The following VIL1 variants were observed in gnomAD, a reference collection of about 807,000 sequenced individuals.
VIL1 encodes villin 1, also known as villin-1.
VIL1 carries 86 observed loss-of-function variants against 104.0 expected under a neutral mutation model. The ratio of observed to expected loss-of-function variants is 0.83; its 90% CI spans 0.69 to 0.99. The LOEUF is 0.99. VIL1 is among the 50% of genes least tolerant of loss of function. The pLI is 0.00. For synonymous variants in VIL1, 394 were observed against 412.6 expected, an observed-to-expected ratio of 0.95 and a Z score of 0.55; for missense variants, 944 against 1,054.1, an observed-to-expected ratio of 0.90 and a Z score of 1.45.
intron 19 of VIL1, among the ~76,000 whole-genome samples, chr2:218,444,821 G>A (rs1226597718): frequency 2.6e-5 from 4 of 152,198 alleles, no homozygotes; most frequent in Non-Finnish European, 5.9e-5. Context: ...GGTGAGGCTG[G>A]TAATCAGCTG....
Position 218,430,707 on chromosome 2 carries a change from C to T in VIL1, c.949-18C>T, listed in dbSNP as rs926282453. On this transcript the variant is annotated intron_variant, in intron 9 of 19. Coordinates refer to ENST00000248444, the MANE Select transcript of VIL1 (RefSeq NM_007127.3). Reference sequence around the variant, plus strand: ...CTAGGGGAGGTGCATAGCTTCCAGCCACCCCTTTCTCTTCCAGAACTTCAT... The same window carrying T: ...CTAGGGGAGGTGCATAGCTTCCAGCTACCCCTTTCTCTTCCAGAACTTCAT... The T allele has an allele frequency of 9.0e-6, 14 of 1,563,802 alleles. No homozygotes were observed. Among genetic ancestry groups the T allele is most frequent in the African/African-American group, 1.4e-5 (1 of 73,684 alleles).
At chr2:218,423,027 T>C (rs1688922948) in intron 1 of VIL1, among the ~76,000 whole-genome samples, 1 of 152,184 alleles carries the variant, frequency 6.6e-6, no homozygotes, top group African/African-American at 2.4e-5. Flanking sequence ...CACCAGAGCC[T>C]GGAGCATCAG....
intron 4 of VIL1, 140 bp from the exon 5 acceptor site, chr2:218,427,825 C>A (rs947062368): frequency 1.5e-4 from 107 of 712,684 alleles, no homozygotes; most frequent in Non-Finnish European, 2.3e-4. Context: ...CTAAAGTTTG[C>A]GCCCTCAGCA....
chr2:218,434,779 G>A (rs1039813364), intron 14 of VIL1, 74 bp downstream of exon 14: 31 of 1,499,118 alleles, frequency 2.1e-5, no homozygotes, highest in Non-Finnish European at 2.6e-5. Context: ...AGCAGCCCTA[G>A]GTCAGGGCAG....
chr2:218,424,169 C>T, intron 2 of VIL1, 108 bp from the exon 3 acceptor site: 2 of 949,348 alleles, frequency 2.1e-6, no homozygotes. Context: ...CCTTTCATTC[C>T]TGGGCCCGGC....
chr2:218,443,202 CTTT>C (rs5838696), intron 19 of VIL1, among the ~76,000 whole-genome samples: 3 of 141,878 alleles, frequency 2.1e-5, no homozygotes, highest in Non-Finnish European at 4.6e-5. Context: ...GTATTTCTTT[CTTT>C]TTTTTTTTTT....
At chr2:218,447,171 G>A (rs1689378655) in intron 19 of VIL1, among the ~76,000 whole-genome samples, 1 of 152,148 alleles carries the variant, frequency 6.6e-6, no homozygotes, top group Non-Finnish European at 1.5e-5. Flanking sequence ...TTCCTGCTTT[G>A]CTCCATCCAT....
rs748126656 is a variant in VIL1, at chr2:218,423,774, T to G, written c.-5T>G. 7 of 1,613,908 alleles carry G rather than the reference T, an allele frequency of 4.3e-6. No individual in the cohort carries two copies. The African/African-American group carries it at 8.0e-5, about 18-fold the overall frequency. The stretch of plus-strand genomic sequence containing the variant: ...CCAACGCCTTCTCCCCCAGGCTCAC[T>G]CACCATGACCAAGCTGAGCGCCCAA... On this transcript the variant is annotated 5_prime_UTR_variant, in exon 2 of 20. Coordinates refer to ENST00000248444, the MANE Select transcript of VIL1 (RefSeq NM_007127.3).
At chr2:218,439,441 T>A (rs895198548) in intron 18 of VIL1, among the ~76,000 whole-genome samples, 1 of 152,182 alleles carries the variant, frequency 6.6e-6, no homozygotes, top group African/African-American at 2.4e-5. Flanking sequence ...TGAGAAATAA[T>A]GCTGTCTCTA....
chr2:218,425,902 A>C, intron 4 of VIL1, 91 bp downstream of exon 4: 1 of 1,357,214 alleles, frequency 7.4e-7, no homozygotes, highest in Non-Finnish European at 1.0e-6. Context: ...GGACACCCAG[A>C]CCTGTTCAGG....
chr2:218,419,356 G>C (rs1019112303), intron 1 of VIL1, among the ~76,000 whole-genome samples, 188 bp downstream of exon 1: 1 of 152,142 alleles, frequency 6.6e-6, no homozygotes, highest in Non-Finnish European at 1.5e-5. Flanking sequence ...TCCAGGGAGA[G>C]ACTTTTGCAG....
rs145595044 is a variant in VIL1, at chr2:218,432,117, C to T, written c.1275C>T (p.Asp425=). The change falls in exon 12 of 20, where the codon GAC becomes GAT. Residue 425 remains aspartate, a synonymous_variant. Transcript: ENST00000248444. ...SKWLGHFYGG[D]CYLLLYTYLI... ...GGCTAGGCCACTTCTATGGGGGCGA[C>T]TGCTACCTGCTGCTCTACACCTACC... The T allele has an allele frequency of 6.3e-4, 1,016 of 1,613,888 alleles. 6 individuals carry two copies. The highest frequency in any genetic ancestry group is 2.1e-4 in the South Asian group (19 of 91,066).
rs776968469 is a variant in VIL1 at position 218,425,589 on chromosome 2, G to A, written c.151-26G>A. ...AGGGGCTGTGGGAGCCCAGGGTCTC[G>A]GGTACACTGGACACCTTTTCCCTAG... On this transcript the variant is annotated intron_variant, in intron 3 of 19. Coordinates refer to ENST00000248444, the MANE Select transcript of VIL1 (RefSeq NM_007127.3). 26 of 1,611,432 alleles carry A rather than the reference G, an allele frequency of 1.6e-5. No homozygotes were observed. The African/African-American group carries it at 2.3e-4, about 14-fold the overall frequency.
At chr2:218,448,197 C>G (rs1403512034) in intron 19 of VIL1, among the ~76,000 whole-genome samples, 1 of 151,890 alleles carries the variant, frequency 6.6e-6, no homozygotes, top group African/African-American at 2.4e-5. Flanking sequence ...GAGGTTGAGG[C>G]TGGAGTGAGC....
chr2:218,426,778 A>T (rs1055251017), intron 4 of VIL1, among the ~76,000 whole-genome samples: 7 of 151,364 alleles, frequency 4.6e-5, no homozygotes, highest in Admixed American at 1.3e-4. Flanking sequence ...ATTTTTTTGT[A>T]TTTTTAGTAG....
chr2:218,419,197 G>A (rs74722731), intron 1 of VIL1, 29 bp downstream of exon 1: 1 of 152,284 alleles, frequency 6.6e-6, no homozygotes, highest in Non-Finnish European at 1.5e-5. Context: ...AACACATGGA[G>A]ACCTTAGGTG....
intron 13 of VIL1, 43 bp downstream of exon 13, chr2:218,432,994 C>CA (rs766146796): frequency 6.2e-7 from 1 of 1,610,348 alleles, no homozygotes; most frequent in Non-Finnish European, 8.5e-7. Flanking sequence ...ACCACTGTGG[C>CA]AAGACAGGCA....
chr2:218,442,390 T>A (rs555072737), intron 19 of VIL1, among the ~76,000 whole-genome samples: 1 of 152,290 alleles, frequency 6.6e-6, no homozygotes, highest in East Asian at 1.9e-4. Flanking sequence ...ACATGGTCCA[T>A]CTGGTAACTG....
chr2:218,434,423 G>A (rs1409271378), intron 13 of VIL1, 103 bp from the exon 14 acceptor site: 1 of 1,234,506 alleles, frequency 8.1e-7, no homozygotes, highest in African/African-American at 1.5e-5. Context: ...GAGGAGCTCA[G>A]GGGCAAACCT....
Sources: allele counts gnomAD v4.1 joint callset (sites outside exome capture counted in the v4.1 genomes callset), GRCh38; gene constraint gnomAD v4.1.1; transcripts MANE v1.5; gene names NCBI Gene and HGNC (gene_info 2026-07-23, HGNC 2026-07-21).